Variants in CCDC40 observed in about 807,000 individuals in gnomAD.
The protein encoded by CCDC40 is coiled-coil domain-containing protein 40.
A neutral mutation model predicts 124.5 loss-of-function variants in CCDC40; 104 were observed. The ratio of observed to expected loss-of-function variants is 0.84; its 90% confidence interval spans 0.71 to 0.98. The LOEUF (loss-of-function observed/expected upper bound fraction) is 0.98. CCDC40 is among the 50% of genes least tolerant of loss of function. The pLI is 0.00. For synonymous variants in CCDC40, 580 were observed against 602.9 expected, an observed-to-expected ratio of 0.96 and a Z score of 0.56; for missense variants, 1,463 against 1,503.9, an observed-to-expected ratio of 0.97 and a Z score of 0.45.
chr17:80,085,126 C>A, intron 13 of CCDC40, 138 bp downstream of exon 13: 1 of 1,145,606 alleles, frequency 8.7e-7, no homozygotes. Context: ...GCTTTACAGA[C>A]AAAATGGCAC....
intron 16 of CCDC40, among the ~76,000 whole-genome samples, chr17:80,088,699 C>T (rs1449104613): frequency 2.0e-5 from 3 of 152,114 alleles, no homozygotes; most frequent in Non-Finnish European, 2.9e-5. Context: ...CCCAGCTACT[C>T]GGGAGGCTGA....
intron 3 of CCDC40, among the ~76,000 whole-genome samples, chr17:80,045,995 C>A (rs1273048592): frequency 6.6e-6 from 1 of 152,142 alleles, no homozygotes; most frequent in African/African-American, 2.4e-5. Flanking sequence ...CAACTTTCAT[C>A]TTCCTTTACC....
At chr17:80,078,132 C>T (rs937343674) in intron 10 of CCDC40, among the ~76,000 whole-genome samples, 4 of 151,876 alleles carry the variant, frequency 2.6e-5, no homozygotes, top group East Asian at 3.9e-4. Flanking sequence ...GAGATTGAGA[C>T]CATCCTGGCT....
At chr17:80,079,052 G>C (rs537471254) in intron 10 of CCDC40, among the ~76,000 whole-genome samples, 1 of 151,482 alleles carries the variant, frequency 6.6e-6, no homozygotes, top group South Asian at 2.1e-4. Context: ...TCATGCCTCA[G>C]TGTACCAAGT....
Position 80,071,431 on chromosome 17 carries a change from C to T in CCDC40, c.1562+5825C>T, listed in dbSNP as rs542743235. On this transcript the variant is annotated intron_variant, in intron 10 of 19. Transcript: ENST00000397545. ...ACGGGCAGTGTCCTGGGAGAGAACC[C>T]GGCCTTGACCACAGGCTGCTGGACA... 3.9e-5 allele frequency among the ~76,000 whole-genome samples: 6 copies of T among 152,328 alleles called. No individual in the cohort carries two copies. In the South Asian group the frequency reaches 1.0e-3, roughly 26 times the overall value.
At chr17:80,091,302 T>C (rs1461532469) in intron 17 of CCDC40, among the ~76,000 whole-genome samples, 1 of 139,536 alleles carries the variant, frequency 7.2e-6, no homozygotes, top group African/African-American at 2.7e-5. Context: ...ACCAGTAGAC[T>C]ACACACACAC....
intron 3 of CCDC40, among the ~76,000 whole-genome samples, chr17:80,043,561 C>A (rs999438954): frequency 1.3e-5 from 2 of 151,288 alleles, no homozygotes; most frequent in African/African-American, 4.9e-5. Flanking sequence ...ACCTCTAATT[C>A]CATCTCACCT....
At chr17:80,042,865 T>G (rs1466932332) in intron 3 of CCDC40, among the ~76,000 whole-genome samples, 6 of 140,540 alleles carry the variant, frequency 4.3e-5, no homozygotes, top group African/African-American at 1.7e-4. Context: ...TTGGGTTGTT[T>G]TTTTTTTTTT....
intron 3 of CCDC40, among the ~76,000 whole-genome samples, chr17:80,044,415 G>A (rs914846975): frequency 1.3e-5 from 2 of 152,142 alleles, no homozygotes; most frequent in Non-Finnish European, 2.9e-5. Flanking sequence ...CAGGCCTAGT[G>A]GCTCATGGCT....
At chr17:80,073,382 A>G (rs1490513342) in intron 10 of CCDC40, among the ~76,000 whole-genome samples, 1 of 152,152 alleles carries the variant, frequency 6.6e-6, no homozygotes, top group Non-Finnish European at 1.5e-5. Context: ...CTGCCTCTGC[A>G]CCACATGTTG....
In CCDC40 at chr17:80,058,531, G is replaced by A. The variant is rs769753373; in HGVS notation, c.1197G>A (p.Leu399=). ...ALQTEMENLA[L]HLFYMQNIDQ... is the part of the protein sequence containing the mutation. ...AGACTGAGATGGAGAACTTGGCCCT[G>A]CATCTCTTCTACATGCAGAACATCG... The change falls in exon 8 of 20, where the codon CTG becomes CTA. Residue 399 remains leucine (L), a synonymous_variant. Coordinates refer to ENST00000397545, the MANE Select transcript of CCDC40 (RefSeq NM_017950.4). This position sits in a 1 kb window ranked among gnomAD's most constrained non-coding sequence, Gnocchi z 4.2. The A allele has an allele frequency of 6.2e-7, 1 of 1,614,136 alleles. No individual in the cohort carries two copies. Among genetic ancestry groups the A allele is most frequent in the South Asian group, 1.1e-5 (1 of 91,080 alleles).
chr17:80,060,000 A>G (rs1364261381), intron 9 of CCDC40, among the ~76,000 whole-genome samples: 4 of 152,226 alleles, frequency 2.6e-5, no homozygotes. Context: ...CGTCCCAATC[A>G]GAATCTCAGG....
chr17:80,084,518 A>C (rs993552064), intron 12 of CCDC40, among the ~76,000 whole-genome samples: 46 of 152,104 alleles, frequency 3.0e-4, no homozygotes, highest in African/African-American at 1.1e-3. Flanking sequence ...AAAAGCTAAT[A>C]CCATGATCTC....
rs536941302 is a variant in CCDC40, at chr17:80,038,504, C to T, written c.93+318C>T. On this transcript the variant is annotated intron_variant, in intron 2 of 19. Transcript: ENST00000397545. ...CAAGATCACACCATTGCACTCCAGC[C>T]TGGGTGACCAGTGAAACTCTATCTC... Among the ~76,000 whole-genome samples, 558 of 147,264 alleles carry T rather than the reference C, an allele frequency of 3.8e-3. 2 individuals carry two copies. Among genetic ancestry groups the T allele is most frequent in the African/African-American group, 0.013 (509 of 39,714 alleles).
chr17:80,088,076 C>T lies in CCDC40; in HGVS notation c.2685C>T (p.Thr895=). The change falls in exon 16 of 20, where the codon ACC becomes ACT. Residue 895 remains threonine, a synonymous_variant. Coordinates refer to ENST00000397545, the MANE Select transcript of CCDC40 (RefSeq NM_017950.4). ...ACCAGCTCAGCGAGGAGAAGGCGAC[C>T]CTCCTGAATCAACTGGTGGAAGCAG... is the stretch of plus-strand genomic sequence containing the variant. The part of the protein sequence containing the change: ...KLNQLSEEKA[T]LLNQLVEAEH... 6.2e-7 allele frequency: 1 copy of T among 1,613,830 alleles called. No homozygotes were observed. Among genetic ancestry groups the T allele is most frequent in the Non-Finnish European group, 8.5e-7 (1 of 1,179,792 alleles).
chr17:80,039,797 GC>G lies in CCDC40; in HGVS notation c.94-13del. ...TACTTTGTTTCCTGATTTTTTTCCTGCCACACCTTTACAGGTGTCACCACCA... is the reference window on the plus strand; with the variant it reads ...TACTTTGTTTCCTGATTTTTTTCCTGCACACCTTTACAGGTGTCACCACCA... On this transcript the variant is annotated splice_polypyrimidine_tract_variant and intron_variant, in intron 2 of 19. Coordinates refer to ENST00000397545, the MANE Select transcript of CCDC40 (RefSeq NM_017950.4). 6.2e-7 allele frequency: 1 copy of G among 1,612,494 alleles called. No homozygotes were observed. The highest frequency in any genetic ancestry group is 8.5e-7 in the Non-Finnish European group (1 of 1,179,060).
intron 3 of CCDC40, among the ~76,000 whole-genome samples, chr17:80,045,612 G>T (rs932432658): frequency 1.3e-5 from 2 of 152,154 alleles, no homozygotes; most frequent in African/African-American, 4.8e-5. Flanking sequence ...GCTGAGGCAA[G>T]AGAATCACTT....
rs1234117354 is a variant in CCDC40, at chr17:80,089,883, A to C, written c.2831A>C (p.Lys944Thr). 1.9e-6 allele frequency: 3 copies of C among 1,614,168 alleles called. No homozygotes were observed. The South Asian group carries it at 3.3e-5, about 18-fold the overall frequency. ...ATGAAGGGCGAGATCCACAGGATGAAGGTGAGGGGAGGAGAGCGGCGTGGC... is the reference window on the plus strand; with the variant it reads ...ATGAAGGGCGAGATCCACAGGATGACGGTGAGGGGAGGAGAGCGGCGTGGC... The part of the protein sequence containing the change: ...RAMKGEIHRM[K>T]VRLGQLLKQQ... The change falls in exon 17 of 20, where the codon AAG becomes ACG. Residue 944 changes from lysine to threonine, a missense_variant and splice_region_variant. Physicochemically the swap from Lys to Thr is moderately conservative, Grantham distance 78. Coordinates refer to ENST00000397545, the MANE Select transcript of CCDC40 (RefSeq NM_017950.4).
chr17:80,099,409 T>G, intron 19 of CCDC40, 118 bp from the exon 20 acceptor site: 1 of 1,230,460 alleles, frequency 8.1e-7, no homozygotes, highest in South Asian at 1.2e-5. Context: ...GCCGTCCCTT[T>G]TCAGGCGTAG....
Sources: gnomAD v4.1 joint callset for allele counts (sites outside exome capture counted in the v4.1 genomes callset) on GRCh38, gnomAD v4.1.1 for gene constraint, Gnocchi (gnomAD v3.1) non-coding constraint, MANE v1.5 for transcripts, NCBI Gene and HGNC (gene_info 2026-07-23, HGNC 2026-07-21) for gene names.